Variants in CACNA1D observed in about 807,000 individuals in gnomAD.
CACNA1D encodes voltage-dependent L-type calcium channel subunit alpha-1D.
A neutral mutation model predicts 257.1 loss-of-function variants in CACNA1D; 55 were observed. That is an observed-to-expected ratio of 0.21 (90% CI 0.17 to 0.27). CACNA1D has a LOEUF of 0.27. Among genes scored for constraint, CACNA1D ranks in the 10% least tolerant of loss-of-function variants. CACNA1D has a pLI of 1.00. For synonymous variants in CACNA1D, 980 were observed against 1,014.9 expected, an observed-to-expected ratio of 0.97 and a Z score of 0.65; for missense variants, 1,876 against 2,784.0, an observed-to-expected ratio of 0.67 and a Z score of 7.34.
chr3:53,703,524 T>C (rs149299707), intron 9 of CACNA1D, among the ~76,000 whole-genome samples: 3 of 152,368 alleles, frequency 2.0e-5, no homozygotes, highest in Non-Finnish European at 4.4e-5. Flanking sequence ...TGCGCTCTTA[T>C]TCTCTCTGGG....
chr3:53,600,736 G>A (rs562944813), intron 3 of CACNA1D, among the ~76,000 whole-genome samples: 38 of 152,128 alleles, frequency 2.5e-4, no homozygotes, highest in Non-Finnish European at 4.0e-4. Context: ...ATGGCAATGT[G>A]GTCCTTGTTC....
intron 3 of CACNA1D, among the ~76,000 whole-genome samples, chr3:53,617,613 G>T (rs758218920): frequency 3.9e-5 from 6 of 152,116 alleles, no homozygotes; most frequent in Non-Finnish European, 7.4e-5. Flanking sequence ...TTACAGCTGA[G>T]GAAAAGGAAG....
At position 53,559,225 on chromosome 3, in the gene CACNA1D, C is replaced by A. The variant is rs75006833; in HGVS notation, c.483+57505C>A. On this transcript the variant is annotated intron_variant, in intron 3 of 47. Coordinates refer to ENST00000350061, the MANE Select transcript of CACNA1D (RefSeq NM_001128840.3). ...CAAAATTTTTGTTTTTGCTATCATT[C>A]CATTTATTTTAAGAGTATTTAGCCT... Among the ~76,000 whole-genome samples the A allele has an allele frequency of 6.0e-4, 91 of 152,128 alleles. No individual in the cohort carries two copies. In the East Asian group the frequency reaches 9.3e-3, roughly 15 times the overall value.
intron 3 of CACNA1D, among the ~76,000 whole-genome samples, chr3:53,564,828 G>A (rs1005741471): frequency 3.9e-5 from 6 of 152,198 alleles, no homozygotes; most frequent in Admixed American, 1.3e-4. Flanking sequence ...AAATGGTAGA[G>A]CCAGGACTTG....
intron 10 of CACNA1D, chr3:53,718,723 C>G: frequency 6.4e-7 from 1 of 1,558,510 alleles, no homozygotes; most frequent in African/African-American, 1.4e-5. Context: ...GCGGGGCCCT[C>G]TGGGTGTCGG....
At chr3:53,716,378 C>G (rs1210583760) in intron 9 of CACNA1D, among the ~76,000 whole-genome samples, 1 of 152,242 alleles carries the variant, frequency 6.6e-6, no homozygotes, top group African/African-American at 2.4e-5. Context: ...ACAGAGTTAA[C>G]TCATGATCAG....
chr3:53,672,892 A>G (rs1576307938), intron 7 of CACNA1D, 131 bp from the exon 8 acceptor site: 2 of 637,348 alleles, frequency 3.1e-6, no homozygotes. Context: ...TGATTTGGCT[A>G]CTGTTGTTTC....
chr3:53,651,119 TCGTTGTTACTCC>T (rs1416173138), intron 4 of CACNA1D, among the ~76,000 whole-genome samples: 1 of 152,178 alleles, frequency 6.6e-6, no homozygotes, highest in Non-Finnish European at 1.5e-5. Flanking sequence ...TGAAATTCTC[TCGTTGTTACTCC>T]CGTTTTTAGT....
intron 3 of CACNA1D, among the ~76,000 whole-genome samples, chr3:53,572,599 C>T (rs374329047): frequency 1.3e-4 from 20 of 152,176 alleles, no homozygotes; most frequent in African/African-American, 2.9e-4. Flanking sequence ...AAGGCTTCAC[C>T]GTGTTGCCCA....
chr3:53,518,833 C>T (rs773102829), intron 3 of CACNA1D, among the ~76,000 whole-genome samples: 6 of 152,172 alleles, frequency 3.9e-5, no homozygotes, highest in Non-Finnish European at 8.8e-5. Context: ...GCAATATTAT[C>T]AGAATTACGT....
At chr3:53,701,547 G>A (rs531920810) in intron 8 of CACNA1D, among the ~76,000 whole-genome samples, 12 of 152,300 alleles carry the variant, frequency 7.9e-5, no homozygotes, top group Admixed American at 1.3e-4. Context: ...GCTTTGACTC[G>A]GAACAAAGGC....
intron 3 of CACNA1D, among the ~76,000 whole-genome samples, chr3:53,521,789 C>G (rs2091588491): frequency 6.6e-6 from 1 of 150,386 alleles, no homozygotes; most frequent in Non-Finnish European, 1.5e-5. Context: ...ATTATAAGAA[C>G]TTAAACTAAT....
intron 8 of CACNA1D, among the ~76,000 whole-genome samples, chr3:53,681,699 G>A (rs139703634): frequency 6.6e-6 from 1 of 152,330 alleles, no homozygotes; most frequent in East Asian, 1.9e-4. Context: ...TCTAATGATG[G>A]AGGCCAAAAT....
chr3:53,601,655 G>T (rs564212169), intron 3 of CACNA1D, among the ~76,000 whole-genome samples: 9 of 152,166 alleles, frequency 5.9e-5, no homozygotes, highest in Non-Finnish European at 1.0e-4. Flanking sequence ...AGCAGCAGTA[G>T]TAGTAACAAC....
chr3:53,569,554 G>A (rs765341426), intron 3 of CACNA1D, among the ~76,000 whole-genome samples: 3 of 152,154 alleles, frequency 2.0e-5, no homozygotes, highest in Non-Finnish European at 4.4e-5. Context: ...CTAGTAATTC[G>A]CTGTCTCAGG....
intron 28 of CACNA1D, among the ~76,000 whole-genome samples, chr3:53,752,519 C>T (rs1576559649): frequency 6.6e-6 from 1 of 152,200 alleles, no homozygotes; most frequent in East Asian, 1.9e-4. Context: ...CATGCCTCAG[C>T]ATTCTGAGTA....
chr3:53,745,619 C>T lies in CACNA1D; in HGVS notation c.3007-5C>T, dbSNP rs766830818. ...AAGAGTCACGCCCCTCTGCCCTCTC[C>T]GCAGCACGTGGTCCAGTGCGTCTTC... is the stretch of plus-strand genomic sequence containing the variant. On this transcript the variant is annotated splice_region_variant and splice_polypyrimidine_tract_variant and intron_variant, in intron 23 of 47. Transcript: ENST00000350061. 2.1e-5 allele frequency: 33 copies of T among 1,599,844 alleles called. No individual in the cohort carries two copies. The highest frequency in any genetic ancestry group is 5.5e-5 in the South Asian group (5 of 90,780).
chr3:53,673,871 C>T lies in CACNA1D; in HGVS notation c.1220+745C>T. On this transcript the variant is annotated intron_variant, in intron 8 of 47. Transcript: ENST00000350061. The surrounding 1 kb of genome is among the most constrained non-coding windows in gnomAD (Gnocchi z 4.1). ...TCCTGCTGCCACGTGTGAGGCAACT[C>T]TGCGTGTCTCCTAGCTGCTCCCTGA... The T allele has an allele frequency of 1.9e-6, 2 of 1,071,534 alleles. No individual in the cohort carries two copies. Among genetic ancestry groups the T allele is most frequent in the Non-Finnish European group, 2.9e-6 (2 of 684,692 alleles). 66.4% of individuals were successfully genotyped at this position (1,071,534 alleles called of 1,614,324 possible).
chr3:53,528,554 G>T (rs2091842055), intron 3 of CACNA1D, among the ~76,000 whole-genome samples: 1 of 152,098 alleles, frequency 6.6e-6, no homozygotes. Flanking sequence ...GAATTAACTT[G>T]TCAATTTCTA....
Sources: allele counts gnomAD v4.1 joint callset (sites outside exome capture counted in the v4.1 genomes callset), GRCh38; gene constraint gnomAD v4.1.1; non-coding constraint Gnocchi (gnomAD v3.1); transcripts MANE v1.5; gene names NCBI Gene and HGNC (gene_info 2026-07-23, HGNC 2026-07-21).